The following ITGAX variants were observed in gnomAD, a reference collection of about 807,000 sequenced individuals.
ITGAX encodes integrin alpha-X.
In ITGAX, 99 loss-of-function variants were observed where a neutral mutation model predicts 140.2. The observed-to-expected ratio is 0.71, with a 90% CI of 0.60 to 0.83. ITGAX has a LOEUF of 0.83. Ranked by LOEUF, ITGAX falls within the 40% of genes least tolerant of loss-of-function variation. ITGAX has a pLI of 0.00. For missense variants in ITGAX, 1,444 were observed against 1,482.0 expected, an observed-to-expected ratio of 0.97 and a Z score of 0.42; for synonymous variants, 631 against 600.4, an observed-to-expected ratio of 1.05 and a Z score of -0.75.
At position 31,371,666 on chromosome 16, in the gene ITGAX, TC is replaced by T; in HGVS notation, c.2043del (p.Asp682ThrfsTer5). Reference sequence around the variant, plus strand: ...AGCTCTGTGACCTTGGACCTGGCCCTCGACCCTGGCCGCCTGAGTCCCCGTG... The same window carrying T: ...AGCTCTGTGACCTTGGACCTGGCCCTGACCCTGGCCGCCTGAGTCCCCGTG... ...LQSSVTLDLALDPGRLSPRAT... is the reference protein window; with the variant it reads ...LQSSVTLDLAXDPGRLSPRAT... On this transcript the variant is annotated frameshift_variant, in exon 17 of 30. Transcript: ENST00000268296. LOFTEE classifies it high-confidence loss of function. The T allele has an allele frequency of 6.2e-7, 1 of 1,614,104 alleles. No individual in the cohort carries two copies. The highest frequency in any genetic ancestry group is 8.5e-7 in the Non-Finnish European group (1 of 1,180,036).
chr16:31,377,186 A>G lies in ITGAX; in HGVS notation c.2710A>G (p.Asn904Asp), dbSNP rs373321354. The change falls in exon 23 of 30, where the codon AAC (asparagine) becomes GAC (aspartate). Residue 904 changes from asparagine (N) to aspartate (D), a missense_variant. Transcript: ENST00000268296. ...LLLTANVSSE[N>D]NTPRTSKTTF... ...GAGTCTCTCCTCTTTCTCCAGTGAG[A>G]ACAACACTCCCAGGACCAGCAAGAC... 19 of 1,613,834 alleles carry G rather than the reference A, an allele frequency of 1.2e-5. No homozygotes were observed. Among genetic ancestry groups the G allele is most frequent in the Non-Finnish European group, 1.6e-5 (19 of 1,179,906 alleles).
intron 17 of ITGAX, 113 bp from the exon 18 acceptor site, chr16:31,372,265 G>C: frequency 1.6e-6 from 2 of 1,259,108 alleles, no homozygotes. Context: ...GGCTCTGGAG[G>C]AAGCTGAAGC....
chr16:31,359,609 G>A (rs1208687987), intron 5 of ITGAX, 91 bp from the exon 6 acceptor site: 4 of 1,498,554 alleles, frequency 2.7e-6, no homozygotes, highest in African/African-American at 2.8e-5. Flanking sequence ...GGGAGGAAGG[G>A]TTTTGGGAGA....
At chr16:31,357,568 C>A in intron 5 of ITGAX, 1 of 551,100 alleles carries the variant, frequency 1.8e-6, no homozygotes, top group Non-Finnish European at 3.2e-6. Context: ...GTGACCTTAA[C>A]CTCTCCAAGC....
At chr16:31,372,283 G>A in intron 17 of ITGAX, 95 bp from the exon 18 acceptor site, 1 of 1,458,888 alleles carries the variant, frequency 6.9e-7, no homozygotes, top group South Asian at 1.3e-5. Context: ...AGCCGCGCGG[G>A]AGCTGGGCAG....
At chr16:31,369,293 C>G (rs1043299486) in intron 14 of ITGAX, among the ~76,000 whole-genome samples, 2 of 142,466 alleles carry the variant, frequency 1.4e-5, no homozygotes, top group African/African-American at 2.7e-5. Flanking sequence ...GGGCTGACCC[C>G]CCCCCCCACC....
At chr16:31,355,386 G>A in intron 1 of ITGAX, 95 bp downstream of exon 1, 2 of 1,351,566 alleles carry the variant, frequency 1.5e-6, no homozygotes, top group Non-Finnish European at 2.1e-6. Flanking sequence ...TTAGGATCTG[G>A]GTAGGAAGAG....
intron 2 of ITGAX, 40 bp from the exon 3 acceptor site, chr16:31,356,585 G>A (rs1375323618): frequency 1.3e-5 from 18 of 1,435,534 alleles, no homozygotes; most frequent in South Asian, 4.9e-5. Flanking sequence ...GTGCTGCAGC[G>A]TCCACACTCT....
intron 14 of ITGAX, among the ~76,000 whole-genome samples, chr16:31,369,351 C>A (rs1014730657): frequency 2.6e-5 from 4 of 152,088 alleles, no homozygotes; most frequent in Non-Finnish European, 4.4e-5. Context: ...TCCTCACTTC[C>A]CAGTAGGGGC....
intron 19 of ITGAX, 23 bp downstream of exon 19, chr16:31,372,693 T>G (rs1286188129): frequency 2.5e-6 from 4 of 1,602,444 alleles, no homozygotes; most frequent in Non-Finnish European, 1.7e-6. Context: ...ACCTTAGACC[T>G]GCCCTACTGC....
chr16:31,366,723 C>A (rs1442770196), intron 14 of ITGAX, among the ~76,000 whole-genome samples: 1 of 152,158 alleles, frequency 6.6e-6, no homozygotes, highest in Non-Finnish European at 1.5e-5. Context: ...ACCATGTTGG[C>A]CAGGCTAGTC....
At chr16:31,361,317 C>T in intron 9 of ITGAX, 104 bp downstream of exon 9, 1 of 1,295,184 alleles carries the variant, frequency 7.7e-7, no homozygotes, top group Non-Finnish European at 1.1e-6. Context: ...TCTCGGTTCT[C>T]CTGCTTTCCC....
intron 14 of ITGAX, among the ~76,000 whole-genome samples, chr16:31,366,795 C>T (rs1314634626): frequency 1.3e-5 from 2 of 152,194 alleles, no homozygotes; most frequent in Admixed American, 6.5e-5. Flanking sequence ...GGATTACAGA[C>T]GTGGGCCACC....
chr16:31,376,576 G>C (rs936513768), intron 20 of ITGAX, among the ~76,000 whole-genome samples: 1 of 152,204 alleles, frequency 6.6e-6, no homozygotes, highest in Non-Finnish European at 1.5e-5. Flanking sequence ...AGTGAGCTGT[G>C]ATTGCATCAC....
chr16:31,358,856 CACTG>C (rs2080790578), intron 5 of ITGAX, among the ~76,000 whole-genome samples: 1 of 147,662 alleles, frequency 6.8e-6, no homozygotes, highest in Non-Finnish European at 1.5e-5. Context: ...CTTACTCTGT[CACTG>C]AGGCTGGAGT....
At position 31,363,069 on chromosome 16, in the gene ITGAX, C is replaced by G. The variant is rs145914477; in HGVS notation, c.1494C>G (p.Pro498=). ...GCCAGGTGTCTGTGTGTCCCTTGCC[C>G]AGGGGGGTGAGTGGCTGATGGGCCT... ...RGGQVSVCPL[P]RGWRRWWCDA... is the part of the protein sequence containing the mutation. The change falls in exon 13 of 30, where the codon CCC becomes CCG. Residue 498 remains proline, a synonymous_variant. Coordinates refer to ENST00000268296, the MANE Select transcript of ITGAX (RefSeq NM_000887.5). 66 of 1,551,002 alleles carry G rather than the reference C, an allele frequency of 4.3e-5. No homozygotes were observed. Among genetic ancestry groups the G allele is most frequent in the Middle Eastern group, 4.0e-4 (2 of 5,012 alleles).
At chr16:31,356,141 G>T (rs1421604509) in intron 2 of ITGAX, 143 bp downstream of exon 2, 6 of 606,390 alleles carry the variant, frequency 9.9e-6, no homozygotes, top group South Asian at 6.2e-5. Flanking sequence ...GATTTGCCTT[G>T]AAGGCAGGCA....
At chr16:31,367,838 G>A (rs1451339192) in intron 14 of ITGAX, among the ~76,000 whole-genome samples, 2 of 152,230 alleles carry the variant, frequency 1.3e-5, no homozygotes, top group African/African-American at 4.8e-5. Flanking sequence ...GCCATAGATA[G>A]TGATTCTTCT....
At chr16:31,360,195 C>T in intron 7 of ITGAX, 115 bp from the exon 8 acceptor site, 2 of 1,512,106 alleles carry the variant, frequency 1.3e-6, no homozygotes, top group South Asian at 1.3e-5. Context: ...AAGCTGGGGC[C>T]TCTGGGTGGG....
Sources: gnomAD v4.1 joint callset for allele counts (sites outside exome capture counted in the v4.1 genomes callset) on GRCh38, gnomAD v4.1.1 for gene constraint, MANE v1.5 for transcripts, NCBI Gene and HGNC (gene_info 2026-07-23, HGNC 2026-07-21) for gene names.